The following TBC1D1 variants were observed in gnomAD, a reference collection of about 807,000 sequenced individuals.
TBC1D1 encodes TBC1 domain family member 1.
TBC1D1 carries 89 observed loss-of-function variants against 125.6 expected under a neutral mutation model. The observed-to-expected ratio is 0.71, with a 90% CI of 0.60 to 0.85. The LOEUF (loss-of-function observed/expected upper bound fraction) is 0.85. Among genes scored for constraint, TBC1D1 ranks in the 40% least tolerant of loss-of-function variants. TBC1D1 has a pLI of 0.00. For missense variants in TBC1D1, 1,377 were observed against 1,469.2 expected (o/e 0.94, Z 1.03); for synonymous variants, 565 against 564.1 (o/e 1.00, Z -0.02).
At chr4:37,964,613 C>T (rs1349919899) in intron 2 of TBC1D1, among the ~76,000 whole-genome samples, 1 of 152,208 alleles carries the variant, frequency 6.6e-6, no homozygotes, top group African/African-American at 2.4e-5. Context: ...GGAGTTTGGC[C>T]TGTTGGTCCC....
intron 13 of TBC1D1, among the ~76,000 whole-genome samples, chr4:38,093,527 C>A (rs938262081): frequency 1.4e-5 from 2 of 144,438 alleles, no homozygotes; most frequent in Admixed American, 7.0e-5. Flanking sequence ...TTTCCCCCCC[C>A]TTTTTTTTTT....
chr4:38,045,303 T>G lies in TBC1D1; in HGVS notation c.1543-514T>G, dbSNP rs542848351. 2.1e-3 allele frequency among the ~76,000 whole-genome samples: 319 copies of G among 152,352 alleles called. 2 individuals are homozygous for G. The highest frequency in any genetic ancestry group is 7.4e-3 in the African/African-American group (308 of 41,584). Reference sequence around the variant, plus strand: ...ACACTTCTTTTGAAACATCTGATTTTATTTTATTTTTTAATTAAGGAAAGT... The same window carrying G: ...ACACTTCTTTTGAAACATCTGATTTGATTTTATTTTTTAATTAAGGAAAGT... On this transcript the variant is annotated intron_variant, in intron 9 of 19. Coordinates refer to ENST00000261439, the MANE Select transcript of TBC1D1 (RefSeq NM_015173.4).
chr4:38,124,306 C>T (rs1764306059), intron 17 of TBC1D1, among the ~76,000 whole-genome samples: 1 of 152,174 alleles, frequency 6.6e-6, no homozygotes, highest in Admixed American at 6.5e-5. Context: ...CCGGTGCCCT[C>T]CCTCTTATTC....
At chr4:38,095,816 C>A in intron 13 of TBC1D1, 113 bp from the exon 16 acceptor site, 1 of 1,100,786 alleles carries the variant, frequency 9.1e-7, no homozygotes, top group Non-Finnish European at 1.3e-6. Flanking sequence ...ACGCGTTAAG[C>A]CAGTTGTAAC....
chr4:38,033,409 T>G (rs763508506), intron 7 of TBC1D1, among the ~76,000 whole-genome samples: 15 of 152,056 alleles, frequency 9.9e-5, no homozygotes, highest in Non-Finnish European at 1.6e-4. Flanking sequence ...TTAGAGCAGT[T>G]TTAGGTTTAC....
At chr4:37,926,760 T>A (rs1308915004) in intron 2 of TBC1D1, among the ~76,000 whole-genome samples, 1 of 152,230 alleles carries the variant, frequency 6.6e-6, no homozygotes, top group South Asian at 2.1e-4. Flanking sequence ...GCTAGAACTT[T>A]AAACAGTCCT....
At chr4:37,926,762 A>C (rs2044782394) in intron 2 of TBC1D1, among the ~76,000 whole-genome samples, 1 of 152,178 alleles carries the variant, frequency 6.6e-6, no homozygotes, top group South Asian at 2.1e-4. Flanking sequence ...TAGAACTTTA[A>C]ACAGTCCTCT....
chr4:38,106,809 T>C (rs780969842), intron 15 of TBC1D1, among the ~76,000 whole-genome samples: 2 of 152,194 alleles, frequency 1.3e-5, no homozygotes, highest in African/African-American at 2.4e-5. Flanking sequence ...TCGGCGTGGC[T>C]GTGCACTCCG....
At chr4:37,955,160 C>T (rs966652203) in intron 2 of TBC1D1, among the ~76,000 whole-genome samples, 1 of 151,992 alleles carries the variant, frequency 6.6e-6, no homozygotes, top group East Asian at 1.9e-4. Flanking sequence ...AGTTAAAAAC[C>T]ATGTATAATC....
At position 38,082,020 on chromosome 4, in the gene TBC1D1, G is replaced by A. The variant is rs115859504; in HGVS notation, c.2051-7912G>A. Among the ~76,000 whole-genome samples, 1,376 of 152,180 alleles carry A rather than the reference G, an allele frequency of 9.0e-3. 26 individuals are homozygous for A. The highest frequency in any genetic ancestry group is 0.031 in the African/African-American group (1,277 of 41,498). On this transcript the variant is annotated intron_variant, in intron 12 of 19. Transcript: ENST00000261439. Reference sequence around the variant, plus strand: ...TTGGTGGTGAAGATGAAATCAGTGGGGTACTTGTAAAGCACACTGCCCAGC... The same window carrying A: ...TTGGTGGTGAAGATGAAATCAGTGGAGTACTTGTAAAGCACACTGCCCAGC...
chr4:37,915,335 T>A (rs1719500198), intron 2 of TBC1D1, among the ~76,000 whole-genome samples: 1 of 152,190 alleles, frequency 6.6e-6, no homozygotes, highest in African/African-American at 2.4e-5. Context: ...AATCTCATGA[T>A]CTGCCATTTG....
At chr4:38,015,574 G>C (rs1317256199) in intron 3 of TBC1D1, among the ~76,000 whole-genome samples, 2 of 152,030 alleles carry the variant, frequency 1.3e-5, no homozygotes, top group East Asian at 3.9e-4. Flanking sequence ...ATGCTGATCT[G>C]GGCTCTTCTG....
At position 37,921,658 on chromosome 4, in the gene TBC1D1, G is replaced by A. The variant is rs188840288; in HGVS notation, c.417+19146G>A. On this transcript the variant is annotated intron_variant, in intron 2 of 19. Coordinates refer to ENST00000261439, the MANE Select transcript of TBC1D1 (RefSeq NM_015173.4). ...GATCTCTTGACCTCATGATCCGCCT[G>A]CCTCAGCCTCCCAAAGTGCTGAGAT... Among the ~76,000 whole-genome samples, 22 of 151,780 alleles carry A rather than the reference G, an allele frequency of 1.4e-4. No individual in the cohort carries two copies. The East Asian group carries it at 3.5e-3, about 24-fold the overall frequency.
intron 2 of TBC1D1, among the ~76,000 whole-genome samples, chr4:37,934,731 C>A (rs980425764): frequency 2.9e-4 from 44 of 152,144 alleles, no homozygotes; most frequent in African/African-American, 1.1e-3. Context: ...CCCTGGGGAC[C>A]CTTCAGTGTC....
chr4:37,950,664 C>T (rs1464542936), intron 2 of TBC1D1, among the ~76,000 whole-genome samples: 2 of 145,668 alleles, frequency 1.4e-5, no homozygotes, highest in African/African-American at 2.5e-5. Context: ...AACATTGACA[C>T]ATTATTCTCA....
At chr4:38,080,502 C>T (rs1457390156) in intron 12 of TBC1D1, among the ~76,000 whole-genome samples, 1 of 152,228 alleles carries the variant, frequency 6.6e-6, no homozygotes. Context: ...TGCAGGCACT[C>T]CCTGTCCCTT....
At position 37,947,524 on chromosome 4, in the gene TBC1D1, G is replaced by C. The variant is rs969604724; in HGVS notation, c.417+45012G>C. ...CATCCAGGCTGGAGTATAGTCGTGC[G>C]ATCATAGCTCACTGCAGCCTCGACC... On this transcript the variant is annotated intron_variant, in intron 2 of 19. Coordinates refer to ENST00000261439, the MANE Select transcript of TBC1D1 (RefSeq NM_015173.4). Among the ~76,000 whole-genome samples the C allele has an allele frequency of 7.2e-5, 11 of 152,086 alleles. 1 individual carries two copies. The highest frequency in any genetic ancestry group is 1.9e-4 in the African/African-American group (8 of 41,478).
At chr4:37,949,065 C>T (rs922108993) in intron 2 of TBC1D1, among the ~76,000 whole-genome samples, 2 of 152,124 alleles carry the variant, frequency 1.3e-5, no homozygotes, top group African/African-American at 2.4e-5. Context: ...TTTTGAACAA[C>T]GCTGCTATTC....
chr4:38,104,159 C>CAAAAAAAAAA (rs71658758), intron 15 of TBC1D1, among the ~76,000 whole-genome samples: 2 of 83,960 alleles, frequency 2.4e-5, no homozygotes, highest in Non-Finnish European at 2.3e-5. Context: ...GACTCTGTCT[C>CAAAAAAAAAA]AAAAAAAAAA....
Sources: gnomAD v4.1 joint callset for allele counts (sites outside exome capture counted in the v4.1 genomes callset) on GRCh38, gnomAD v4.1.1 for gene constraint, MANE v1.5 for transcripts, NCBI Gene and HGNC (gene_info 2026-07-23, HGNC 2026-07-21) for gene names.